Variants in GNG7 observed in about 807,000 individuals in gnomAD.
GNG7 encodes the protein guanine nucleotide-binding protein G(I)/G(S)/G(O) subunit gamma-7.
In GNG7, 1 loss-of-function variant was observed where a neutral mutation model predicts 4.0. The observed-to-expected ratio is 0.25, with a 90% CI of 0.09 to 1.18. The LOEUF (loss-of-function observed/expected upper bound fraction) is 1.18. GNG7 is among the 50% of genes most tolerant of loss of function. The pLI, the probability that GNG7 is intolerant of heterozygous loss-of-function variation, is 0.50. For missense variants in GNG7, 86 were observed against 91.9 expected, an observed-to-expected ratio of 0.94 and a Z score of 0.26; for synonymous variants, 34 against 36.9, an observed-to-expected ratio of 0.92 and a Z score of 0.29.
intron 1 of GNG7, among the ~76,000 whole-genome samples, chr19:2,649,571 G>C (rs1442919164): frequency 6.6e-6 from 1 of 151,786 alleles, no homozygotes; most frequent in Admixed American, 6.6e-5. Context: ...TGTATTTTTA[G>C]TAGAGACGGG....
chr19:2,608,891 A>G (rs1416250803), intron 2 of GNG7, among the ~76,000 whole-genome samples: 2 of 152,194 alleles, frequency 1.3e-5, no homozygotes, highest in Non-Finnish European at 2.9e-5. Context: ...CCCGCTTTTT[A>G]AAGAAACTGA....
intron 2 of GNG7, among the ~76,000 whole-genome samples, chr19:2,635,182 C>G (rs1276344989): frequency 2.0e-5 from 3 of 152,152 alleles, no homozygotes; most frequent in African/African-American, 7.2e-5. Context: ...CAGACATTGC[C>G]CCAGATGAGT....
At position 2,622,330 on chromosome 19, in the gene GNG7, C is replaced by G. The variant is rs572196158; in HGVS notation, c.-78+23894G>C. Among the ~76,000 whole-genome samples, 12 of 152,346 alleles carry G rather than the reference C, an allele frequency of 7.9e-5. No homozygotes were observed. The East Asian group carries it at 9.6e-4, about 12-fold the overall frequency. ...TCCTGACCTTGTGATCCGCCTGTGT[C>G]GGCCTCCCAAAGTGCTGGGATTACA... On this transcript the variant is annotated intron_variant, in intron 2 of 4. Transcript: ENST00000382159.
At chr19:2,553,383 C>CATAT (rs200287140) in intron 3 of GNG7, among the ~76,000 whole-genome samples, 4,001 of 127,664 alleles carry the variant, frequency 0.031, 82 homozygotes, top group East Asian at 0.064. Context: ...TGGTGCTGAG[C>CATAT]ATATATATAT....
At chr19:2,552,013 G>A (rs369970229) in intron 3 of GNG7, among the ~76,000 whole-genome samples, 22 of 152,100 alleles carry the variant, frequency 1.4e-4, no homozygotes, top group African/African-American at 3.6e-4. Flanking sequence ...GCCCCCCAAC[G>A]CTTGCATTCC....
chr19:2,604,440 C>T (rs988177245), intron 2 of GNG7, among the ~76,000 whole-genome samples: 14 of 140,522 alleles, frequency 1.0e-4, no homozygotes, highest in Non-Finnish European at 2.0e-4. Context: ...CACTGCACTC[C>T]AGCCTGGGCA....
intron 1 of GNG7, among the ~76,000 whole-genome samples, chr19:2,675,885 T>C (rs1983581872): frequency 6.6e-6 from 1 of 152,166 alleles, no homozygotes; most frequent in Non-Finnish European, 1.5e-5. Flanking sequence ...TGGAAGAAAA[T>C]ATTGTTGAGC....
chr19:2,675,205 C>T (rs539549680), intron 1 of GNG7, among the ~76,000 whole-genome samples: 23 of 152,300 alleles, frequency 1.5e-4, no homozygotes, highest in African/African-American at 5.5e-4. Flanking sequence ...GAGACGGATG[C>T]ACGCCAGAAA....
chr19:2,580,993 G>A (rs1042392316), intron 2 of GNG7, among the ~76,000 whole-genome samples: 1 of 151,944 alleles, frequency 6.6e-6, no homozygotes, highest in Non-Finnish European at 1.5e-5. Context: ...TTGAACTCCC[G>A]ATCCTAGATG....
At chr19:2,648,869 T>C (rs986123622) in intron 1 of GNG7, among the ~76,000 whole-genome samples, 1 of 148,562 alleles carries the variant, frequency 6.7e-6, no homozygotes, top group African/African-American at 2.5e-5. Flanking sequence ...CTCTGAATCA[T>C]GTGTTTTTTT....
At chr19:2,650,548 CA>C (rs1472033933) in intron 1 of GNG7, among the ~76,000 whole-genome samples, 1 of 152,224 alleles carries the variant, frequency 6.6e-6, no homozygotes, top group Middle Eastern at 3.2e-3. Flanking sequence ...TCCCTGTCCC[CA>C]GCCCTTTAAC....
In GNG7 at chr19:2,611,440, C is replaced by G. The variant is rs1021004848; in HGVS notation, c.-78+34784G>C. 6.6e-6 allele frequency: 1 copy of G among 152,226 alleles called. No homozygotes were observed. The highest frequency in any genetic ancestry group is 6.5e-5 in the Admixed American group (1 of 15,280). 9.4% of individuals were successfully genotyped at this position (152,226 alleles called of 1,614,324 possible). A position where few individuals can be genotyped will look rare whatever the true frequency, so the allele number is the denominator to read the frequency against. On this transcript the variant is annotated intron_variant, in intron 2 of 4. Coordinates refer to ENST00000382159, the MANE Select transcript of GNG7 (RefSeq NM_052847.3). This position sits in a 1 kb window ranked among gnomAD's most constrained non-coding sequence, Gnocchi z 6.0. ...AGCTCGAGGTGCCCCGTCCCAGGAC[C>G]GTGGCAGGAGGGGGTCCCGTCCTGC...
chr19:2,574,185 G>A (rs1286901262), intron 2 of GNG7, among the ~76,000 whole-genome samples: 2 of 152,180 alleles, frequency 1.3e-5, no homozygotes, highest in South Asian at 2.1e-4. Context: ...CTGACATCAC[G>A]CCTTCAAACT....
In GNG7 at chr19:2,565,779, C is replaced by G. The variant is rs74626985; in HGVS notation, c.-77-10591G>C. On this transcript the variant is annotated intron_variant, in intron 2 of 4. Transcript: ENST00000382159. ...AGGGTGGAGGCTGTGTGAGCCCGGC[C>G]GAGTCCTACAGGAAGCGTCTGCAGA... Among the ~76,000 whole-genome samples the G allele has an allele frequency of 6.2e-4, 94 of 152,192 alleles. 1 individual carries two copies. The highest frequency in any genetic ancestry group is 1.3e-3 in the Non-Finnish European group (86 of 68,012).
rs552264493 is a variant in GNG7, at chr19:2,546,457, A to G, written c.-38+8692T>C. ...CTGCGGGCGGGAGGGCCTCTGCCAC[A>G]TGGAAGGGAGGGCCGCACTGGCTGG... On this transcript the variant is annotated intron_variant, in intron 3 of 4. Transcript: ENST00000382159. The surrounding 1 kb of genome is among the most constrained non-coding windows in gnomAD (Gnocchi z 6.3). 2.6e-5 allele frequency among the ~76,000 whole-genome samples: 4 copies of G among 152,316 alleles called. No individual in the cohort carries two copies. Among genetic ancestry groups the G allele is most frequent in the African/African-American group, 4.8e-5 (2 of 41,584 alleles).
At chr19:2,577,406 T>C (rs1461741746) in intron 2 of GNG7, among the ~76,000 whole-genome samples, 1 of 152,144 alleles carries the variant, frequency 6.6e-6, no homozygotes, top group Non-Finnish European at 1.5e-5. Context: ...GGCTGTTGCC[T>C]GGGGGACACT....
Position 2,618,342 on chromosome 19 carries a change from G to GGTGTGTGTGTGTGTGTGT in GNG7, c.-78+27864_-78+27881dup, listed in dbSNP as rs35982775. Among the ~76,000 whole-genome samples the GGTGTGTGTGTGTGTGTGT allele has an allele frequency of 2.7e-5, 4 of 146,402 alleles. No homozygotes were observed. Among genetic ancestry groups the GGTGTGTGTGTGTGTGTGT allele is most frequent in the African/African-American group, 7.5e-5 (3 of 39,844 alleles). On this transcript the variant is annotated intron_variant, in intron 2 of 4. Coordinates refer to ENST00000382159, the MANE Select transcript of GNG7 (RefSeq NM_052847.3). This position sits in a 1 kb window ranked among gnomAD's most constrained non-coding sequence, Gnocchi z 5.1. ...TTCTCTTTTCTACCTGTATGTGTGT[G>GGTGTGTGTGTGTGTGTGT]GTGTGTGTGTGTGTGTGTGTGTGTG...
intron 3 of GNG7, among the ~76,000 whole-genome samples, chr19:2,553,651 ACATACAT>A (rs1979426431): frequency 1.8e-5 from 2 of 110,558 alleles, no homozygotes; most frequent in African/African-American, 7.1e-5. Flanking sequence ...ATGTTATATT[ACATACAT>A]GCACACGTTA....
chr19:2,544,631 T>C (rs1979066571), intron 3 of GNG7, among the ~76,000 whole-genome samples: 1 of 152,184 alleles, frequency 6.6e-6, no homozygotes, highest in Non-Finnish European at 1.5e-5. Flanking sequence ...CCTCAGGTGA[T>C]CTGCCCACCT....
Sources: gnomAD v4.1 joint callset for allele counts (sites outside exome capture counted in the v4.1 genomes callset) on GRCh38, gnomAD v4.1.1 for gene constraint, Gnocchi (gnomAD v3.1) non-coding constraint, MANE v1.5 for transcripts, NCBI Gene and HGNC (gene_info 2026-07-23, HGNC 2026-07-21) for gene names.